Variants in FHIP1A observed in about 807,000 individuals in gnomAD.
FHIP1A encodes the protein FHF complex subunit HOOK-interacting protein 1A.
A neutral mutation model predicts 88.6 loss-of-function variants in FHIP1A; 61 were observed. The ratio of observed to expected loss-of-function variants is 0.69; its 90% CI spans 0.56 to 0.85. FHIP1A has a LOEUF of 0.85. Among genes scored for constraint, FHIP1A ranks in the 40% least tolerant of loss-of-function variants. The probability of loss-of-function intolerance (pLI) is 0.00; values close to 1 mark genes in which losing one functional copy is unlikely to be tolerated. For missense variants in FHIP1A, 1,154 were observed against 1,273.5 expected (o/e 0.91, Z 1.43); for synonymous variants, 478 against 496.0 (o/e 0.96, Z 0.48).
intron 7 of FHIP1A, among the ~76,000 whole-genome samples, chr4:151,607,234 C>T (rs1298242673): frequency 1.3e-5 from 2 of 152,122 alleles, no homozygotes; most frequent in Admixed American, 6.5e-5. Flanking sequence ...AGAAGAGTAC[C>T]GTGGAAGCAG....
rs77353765 is a variant in FHIP1A at position 151,646,770 on chromosome 4, T to A, written c.1417+22T>A. 2,351 of 1,502,342 alleles carry A rather than the reference T, an allele frequency of 1.6e-3. 28 individuals carry two copies. The African/African-American group carries it at 0.03, about 19-fold the overall frequency. The allele number at this position is 1,502,342 out of a possible 1,614,324, so 93.1% of individuals were successfully genotyped here. On this transcript the variant is annotated intron_variant, in intron 10 of 13. Transcript: ENST00000435205. ...TCAGGTAGGAACTCGCTAGTGATGA[T>A]CTTTAAACAAAAGGATGCCAGTTCC...
intron 2 of FHIP1A, among the ~76,000 whole-genome samples, chr4:151,472,175 T>A (rs1325439009): frequency 6.6e-6 from 1 of 152,166 alleles, no homozygotes; most frequent in Non-Finnish European, 1.5e-5. Context: ...TTATTGTTTA[T>A]TGAAAAACAT....
chr4:151,623,974 A>C (rs1399404242), intron 7 of FHIP1A, among the ~76,000 whole-genome samples: 1 of 152,142 alleles, frequency 6.6e-6, no homozygotes, highest in Non-Finnish European at 1.5e-5. Context: ...ACAGCAAAAC[A>C]CTCAGAACTG....
At chr4:151,600,498 G>A (rs6535807) in intron 7 of FHIP1A, among the ~76,000 whole-genome samples, 143,794 of 152,310 alleles carry the variant, frequency 0.94, 67,955 homozygotes, top group East Asian at 1. Context: ...TAAGTGGACT[G>A]GTTACAACAG....
chr4:151,475,149 T>C (rs1480458830), intron 2 of FHIP1A, among the ~76,000 whole-genome samples: 1 of 152,230 alleles, frequency 6.6e-6, no homozygotes, highest in African/African-American at 2.4e-5. Flanking sequence ...AAGTATCCAT[T>C]CATTCATTTG....
At chr4:151,636,325 A>G (rs1416708213) in intron 8 of FHIP1A, among the ~76,000 whole-genome samples, 1 of 152,078 alleles carries the variant, frequency 6.6e-6, no homozygotes. Flanking sequence ...TATACTTAAT[A>G]GTGAAGAATG....
chr4:151,596,016 C>T (rs1296140746), intron 7 of FHIP1A, among the ~76,000 whole-genome samples: 3 of 152,108 alleles, frequency 2.0e-5, no homozygotes. Context: ...GCATTTAGCC[C>T]ATTTACATTT....
intron 3 of FHIP1A, among the ~76,000 whole-genome samples, chr4:151,537,461 CTGT>C (rs1392651696): frequency 1.3e-5 from 2 of 151,936 alleles, no homozygotes; most frequent in Non-Finnish European, 2.9e-5. Context: ...TAATTTTTTA[CTGT>C]TGAGTTTTGA....
At chr4:151,566,676 C>CCTCT (rs900577769) in intron 4 of FHIP1A, among the ~76,000 whole-genome samples, 5 of 151,176 alleles carry the variant, frequency 3.3e-5, no homozygotes, top group African/African-American at 1.2e-4. Context: ...ATAATTATAT[C>CCTCT]CTCTCTCTCT....
At chr4:151,569,096 G>A (rs1289116204) in intron 4 of FHIP1A, among the ~76,000 whole-genome samples, 1 of 152,180 alleles carries the variant, frequency 6.6e-6, no homozygotes, top group African/African-American at 2.4e-5. Context: ...TTTGACATAA[G>A]CTCCTAGGCC....
At chr4:151,512,061 A>C (rs1244745329) in intron 3 of FHIP1A, among the ~76,000 whole-genome samples, 1 of 152,234 alleles carries the variant, frequency 6.6e-6, no homozygotes, top group Non-Finnish European at 1.5e-5. Flanking sequence ...CTGACACCTC[A>C]CACGGCCGGG....
chr4:151,641,530 AT>A (rs1201627279), intron 9 of FHIP1A, among the ~76,000 whole-genome samples: 1 of 152,080 alleles, frequency 6.6e-6, no homozygotes, highest in Non-Finnish European at 1.5e-5. Context: ...ACATTATGAG[AT>A]TTTTTTGCAA....
chr4:151,550,831 A>C (rs1416504773), intron 3 of FHIP1A, among the ~76,000 whole-genome samples: 1 of 152,210 alleles, frequency 6.6e-6, no homozygotes, highest in Non-Finnish European at 1.5e-5. Context: ...AGCACCTGTC[A>C]GGGAGAGAAG....
At chr4:151,565,576 A>G (rs1427274804) in intron 3 of FHIP1A, among the ~76,000 whole-genome samples, 2 of 151,870 alleles carry the variant, frequency 1.3e-5, no homozygotes, top group Non-Finnish European at 2.9e-5. Flanking sequence ...CCATTGATTT[A>G]AAAAAATATT....
chr4:151,591,697 G>A (rs888072615), intron 7 of FHIP1A, among the ~76,000 whole-genome samples: 2 of 152,088 alleles, frequency 1.3e-5, no homozygotes, highest in Non-Finnish European at 2.9e-5. Context: ...GAGAACATGC[G>A]GTGTTTGGTT....
chr4:151,577,324 G>T, intron 4 of FHIP1A, 126 bp from the exon 5 acceptor site: 1 of 767,344 alleles, frequency 1.3e-6, no homozygotes, highest in Non-Finnish European at 2.1e-6. Flanking sequence ...CACACACAAT[G>T]CCCACACATA....
chr4:151,428,843 ACAT>A (rs1404044719), intron 1 of FHIP1A, among the ~76,000 whole-genome samples: 2 of 151,820 alleles, frequency 1.3e-5, no homozygotes, highest in Non-Finnish European at 2.9e-5. Flanking sequence ...TCCCCCTCCC[ACAT>A]CATCTTTATA....
chr4:151,646,475 G>A, intron 9 of FHIP1A, 83 bp from the exon 10 acceptor site: 1 of 904,566 alleles, frequency 1.1e-6, no homozygotes, highest in Non-Finnish European at 1.7e-6. Context: ...TGGCCACAAG[G>A]AGTCCCTGTT....
intron 1 of FHIP1A, among the ~76,000 whole-genome samples, chr4:151,420,346 G>C (rs577642849): frequency 2.8e-5 from 1 of 35,668 alleles, no homozygotes; most frequent in Non-Finnish European, 7.1e-5. Context: ...GGCCAGTGAT[G>C]ATGAGCATTT....
Sources: gnomAD v4.1 joint callset for allele counts (sites outside exome capture counted in the v4.1 genomes callset) on GRCh38, gnomAD v4.1.1 for gene constraint, MANE v1.5 for transcripts, NCBI Gene and HGNC (gene_info 2026-07-23, HGNC 2026-07-21) for gene names.